NAALADL2: variants seen among roughly 807,000 people sequenced by gnomAD.
The protein encoded by NAALADL2 is N-acetylated alpha-linked acidic dipeptidase like 2.
A neutral mutation model predicts 87.2 loss-of-function variants in NAALADL2; 76 were observed. The observed-to-expected ratio is 0.87, with a 90% CI of 0.72 to 1.05. The LOEUF (loss-of-function observed/expected upper bound fraction) is 1.05, where lower values mean the gene tolerates loss of function less well. Ranked by LOEUF, NAALADL2 falls within the 50% of genes least tolerant of loss-of-function variation. The pLI is 0.00. For missense variants in NAALADL2, 1,089 were observed against 945.8 expected (o/e 1.15, Z -1.99); for synonymous variants, 354 against 331.0 (o/e 1.07, Z -0.75).
intron 10 of NAALADL2, among the ~76,000 whole-genome samples, chr3:175,588,678 A>G (rs756704023): frequency 1.3e-5 from 2 of 151,348 alleles, no homozygotes; most frequent in Admixed American, 6.6e-5. Flanking sequence ...AGCTGGGACT[A>G]CAGGTGCCTG....
intron 1 of NAALADL2, among the ~76,000 whole-genome samples, chr3:174,944,935 G>C (rs1739176328): frequency 6.6e-6 from 1 of 152,106 alleles, no homozygotes. Context: ...TTGTTTCCTT[G>C]ATTAGTCCTT....
At chr3:174,497,711 C>A (rs945368323) in intron 1 of NAALADL2, among the ~76,000 whole-genome samples, 1 of 152,010 alleles carries the variant, frequency 6.6e-6, no homozygotes, top group African/African-American at 2.4e-5. Context: ...TTGAAGCTGG[C>A]GCAGACTGAC....
chr3:175,085,860 A>G (rs560835460), intron 1 of NAALADL2, among the ~76,000 whole-genome samples: 193 of 152,298 alleles, frequency 1.3e-3, no homozygotes, highest in African/African-American at 4.4e-3. Context: ...AGAGGTTGCA[A>G]TAAGCAGAGA....
intron 1 of NAALADL2, among the ~76,000 whole-genome samples, chr3:174,871,714 C>A (rs1205117929): frequency 1.3e-5 from 2 of 152,090 alleles, no homozygotes; most frequent in African/African-American, 4.8e-5. Context: ...GCCTGGCCAA[C>A]ATGGCAAAAC....
chr3:175,539,424 G>A lies in NAALADL2; in HGVS notation c.1654-36617G>A, dbSNP rs887132963. On this transcript the variant is annotated intron_variant, in intron 9 of 13. Transcript: ENST00000454872. Reference sequence around the variant, plus strand: ...TGAACCCATTAAATATAGGGGCTAAGAAAACTGGTATTGTACAACATTGTG... The same window carrying A: ...TGAACCCATTAAATATAGGGGCTAAAAAAACTGGTATTGTACAACATTGTG... Among the ~76,000 whole-genome samples, 8 of 152,136 alleles carry A rather than the reference G, an allele frequency of 5.3e-5. No individual in the cohort carries two copies. In the South Asian group the frequency reaches 1.7e-3, roughly 32 times the overall value.
chr3:175,278,088 C>A (rs935662050), intron 4 of NAALADL2, among the ~76,000 whole-genome samples: 1 of 152,000 alleles, frequency 6.6e-6, no homozygotes, highest in South Asian at 2.1e-4. Flanking sequence ...ATCGCGCCAC[C>A]GCACTCCAGC....
chr3:175,698,471 GTGTA>G (rs1358148526), intron 11 of NAALADL2, among the ~76,000 whole-genome samples: 1 of 99,028 alleles, frequency 1.0e-5, no homozygotes, highest in African/African-American at 5.9e-5. Flanking sequence ...GTATATATGT[GTGTA>G]TATATATTTA....
intron 13 of NAALADL2, among the ~76,000 whole-genome samples, chr3:175,795,871 G>T (rs1218047210): frequency 6.6e-6 from 1 of 151,606 alleles, no homozygotes; most frequent in African/African-American, 2.4e-5. Flanking sequence ...ACTTAGCTGG[G>T]TGGTTCTTCT....
intron 3 of NAALADL2, among the ~76,000 whole-genome samples, chr3:174,772,886 G>T (rs1466572821): frequency 1.3e-5 from 2 of 152,168 alleles, no homozygotes; most frequent in Admixed American, 1.3e-4. Context: ...AGGATGTTGT[G>T]CACTCTAGAG....
chr3:175,774,908 C>T (rs1476109535), intron 13 of NAALADL2: 3 of 151,838 alleles, frequency 2.0e-5, no homozygotes, highest in Non-Finnish European at 4.4e-5. Flanking sequence ...GTTTAATGTA[C>T]TACTAGAAAA....
chr3:175,539,678 A>G (rs1257672156), intron 9 of NAALADL2, among the ~76,000 whole-genome samples: 1 of 152,054 alleles, frequency 6.6e-6, no homozygotes, highest in Non-Finnish European at 1.5e-5. Context: ...ACCCCTTGAC[A>G]GAATCATAAT....
chr3:174,774,196 A>G lies in NAALADL2; in HGVS notation c.-9+36450A>G, dbSNP rs191981242. Among the ~76,000 whole-genome samples, 397 of 152,236 alleles carry G rather than the reference A, an allele frequency of 2.6e-3. 5 individuals carry two copies. Among genetic ancestry groups the G allele is most frequent in the African/African-American group, 9.1e-3 (379 of 41,544 alleles). On this transcript the variant is annotated intron_variant, in intron 3 of 3. Transcript: ENST00000434257. Reference sequence around the variant, plus strand: ...TATGGGATTATAACCAATAGATACTACCTTAGCTACCCTCTGTGGCATTCA... The same window carrying G: ...TATGGGATTATAACCAATAGATACTGCCTTAGCTACCCTCTGTGGCATTCA...
chr3:175,164,860 A>G (rs930532074), intron 2 of NAALADL2, among the ~76,000 whole-genome samples: 1 of 152,148 alleles, frequency 6.6e-6, no homozygotes, highest in African/African-American at 2.4e-5. Context: ...TGCATGACTT[A>G]CTCCCTGAAC....
intron 1 of NAALADL2, among the ~76,000 whole-genome samples, chr3:174,904,255 T>C (rs969037501): frequency 2.0e-5 from 3 of 151,834 alleles, no homozygotes; most frequent in Admixed American, 6.6e-5. Flanking sequence ...TGTTGAATAA[T>C]TATGATAATG....
chr3:175,557,949 CT>C (rs1319783563), intron 9 of NAALADL2, among the ~76,000 whole-genome samples: 1 of 151,940 alleles, frequency 6.6e-6, no homozygotes, highest in Non-Finnish European at 1.5e-5. Flanking sequence ...AATCCCAGCA[CT>C]TTGGGAGGCT....
rs1346275301 is a variant in NAALADL2 at position 175,447,317 on chromosome 3, G to A, written c.1179G>A (p.Ser393=). 20 of 1,603,188 alleles carry A rather than the reference G, an allele frequency of 1.2e-5. No individual in the cohort carries two copies. The highest frequency in any genetic ancestry group is 5.3e-5 in the African/African-American group (4 of 74,770). Residue 393 remains serine, a synonymous_variant, in exon 6 of 14, where the codon TCG becomes TCA. Transcript: ENST00000454872. The part of the protein sequence containing the change: ...SAPLVAKLIS[S]PKARTKNEAC... ...CCCTCGTTGCAAAACTGATCTCTTC[G>A]CCAAAAGCTAGAACCAAAAATGAAG...
intron 5 of NAALADL2, among the ~76,000 whole-genome samples, chr3:175,434,700 C>CT (rs1718331369): frequency 6.6e-6 from 1 of 151,828 alleles, no homozygotes; most frequent in African/African-American, 2.4e-5. Flanking sequence ...GTAAACTAGT[C>CT]TTTTTTCAAG....
intron 1 of NAALADL2, among the ~76,000 whole-genome samples, chr3:174,494,231 A>C: frequency 6.6e-6 from 1 of 152,168 alleles, no homozygotes; most frequent in East Asian, 1.9e-4. Flanking sequence ...TTTAAAGGGA[A>C]AATAAGGGTT....
chr3:174,802,499 A>G (rs115977362), intron 3 of NAALADL2, among the ~76,000 whole-genome samples: 3,580 of 152,240 alleles, frequency 0.024, 132 homozygotes, highest in African/African-American at 0.082. Flanking sequence ...TTTTATTATT[A>G]TACTTTAAGT....
Sources: allele counts gnomAD v4.1 joint callset (sites outside exome capture counted in the v4.1 genomes callset), GRCh38; gene constraint gnomAD v4.1.1; transcripts MANE v1.5; gene names NCBI Gene and HGNC (gene_info 2026-07-23, HGNC 2026-07-21).